The following BRSK2 variants were observed in gnomAD, a reference collection of about 807,000 sequenced individuals.
BRSK2 encodes BR serine/threonine kinase 2.
In BRSK2, 19 loss-of-function variants were observed where a neutral mutation model predicts 83.3. The observed-to-expected ratio is 0.23, with a 90% CI of 0.16 to 0.33. The LOEUF (loss-of-function observed/expected upper bound fraction) is 0.33, where lower values mean the gene tolerates loss of function less well. BRSK2 is among the 10% of genes least tolerant of loss of function. BRSK2 has a pLI of 1.00. For synonymous variants in BRSK2, 519 were observed against 435.4 expected, an observed-to-expected ratio of 1.19 and a Z score of -2.39; for missense variants, 798 against 1,042.3, an observed-to-expected ratio of 0.77 and a Z score of 3.23.
chr11:1,402,833 G>C (rs373587903), intron 1 of BRSK2, among the ~76,000 whole-genome samples: 3 of 152,294 alleles, frequency 2.0e-5, no homozygotes, highest in South Asian at 2.1e-4. Flanking sequence ...AGGCGGGAGC[G>C]GCGCTGAGCT....
chr11:1,410,439 C>A, intron 1 of BRSK2: 1 of 985,218 alleles, frequency 1.0e-6, no homozygotes. Flanking sequence ...TTGCAGAGTC[C>A]GTGTTTGGGG....
At chr11:1,395,761 GCA>G (rs1487922781) in intron 1 of BRSK2, among the ~76,000 whole-genome samples, 1 of 152,200 alleles carries the variant, frequency 6.6e-6, no homozygotes, top group African/African-American at 2.4e-5. Context: ...TGAGGTGCGT[GCA>G]CGCCGTGGAT....
intron 12 of BRSK2, chr11:1,448,001 C>A (rs760537248): frequency 7.4e-5 from 66 of 891,592 alleles, no homozygotes; most frequent in Non-Finnish European, 1.1e-4. Flanking sequence ...AGCCAGCAAG[C>A]CAGGCAAGGG....
chr11:1,457,077 G>A, intron 18 of BRSK2: 1 of 1,533,200 alleles, frequency 6.5e-7, no homozygotes, highest in South Asian at 1.2e-5. Flanking sequence ...TGCTGGGGCG[G>A]GGAGGGGCTG....
chr11:1,441,182 C>T (rs1232820367), intron 4 of BRSK2, among the ~76,000 whole-genome samples: 1 of 95,178 alleles, frequency 1.1e-5, no homozygotes, highest in Admixed American at 1.1e-4. Flanking sequence ...AGTGCACCGT[C>T]CCCCCATAGC....
At position 1,456,631 on chromosome 11, in the gene BRSK2, C is replaced by A. The variant is rs1309522420; in HGVS notation, c.1883C>A (p.Thr628Asn). 6.2e-7 allele frequency: 1 copy of A among 1,611,086 alleles called. No individual in the cohort carries two copies. Among genetic ancestry groups the A allele is most frequent in the Non-Finnish European group, 8.5e-7 (1 of 1,179,368 alleles). The stretch of plus-strand genomic sequence containing the variant: ...CGTCGCTTCAAGAGGGTGGTGGAGA[C>A]CATCCAGGCCCAGCTGCTGAGCACA... Reference protein sequence around the residue: ...PSRRFKRVVETIQAQLLSTHD... With the variant: ...PSRRFKRVVENIQAQLLSTHD... The change falls in exon 18 of 20, where the codon ACC becomes AAC. Residue 628 changes from threonine to asparagine, a missense_variant. Thr to Asn is a moderately conservative substitution (Grantham distance 65). Transcript: ENST00000528841.
At chr11:1,455,877 C>A (rs1846461018) in intron 16 of BRSK2, among the ~76,000 whole-genome samples, 1 of 152,052 alleles carries the variant, frequency 6.6e-6, no homozygotes, top group Non-Finnish European at 1.5e-5. Flanking sequence ...GTGCCCAGCA[C>A]CATAGGTCCC....
At chr11:1,404,913 C>G (rs958829357) in intron 1 of BRSK2, among the ~76,000 whole-genome samples, 1 of 151,596 alleles carries the variant, frequency 6.6e-6, no homozygotes, top group Non-Finnish European at 1.5e-5. Context: ...CGTGGAGTCC[C>G]TCCCCAGCCC....
intron 1 of BRSK2, among the ~76,000 whole-genome samples, chr11:1,433,327 C>A (rs1849839036): frequency 6.6e-6 from 1 of 152,388 alleles, no homozygotes; most frequent in South Asian, 2.1e-4. Context: ...TGCTTCACCC[C>A]TGCACCCTCA....
intron 19 of BRSK2, 66 bp downstream of exon 19, chr11:1,459,305 G>C (rs930334776): frequency 1.3e-6 from 2 of 1,587,732 alleles, no homozygotes; most frequent in Non-Finnish European, 1.7e-6. Context: ...TCAGCCCGCT[G>C]TGGCCGCCAC....
At chr11:1,425,126 G>A (rs1479078429) in intron 1 of BRSK2, among the ~76,000 whole-genome samples, 6 of 152,234 alleles carry the variant, frequency 3.9e-5, no homozygotes, top group Non-Finnish European at 5.9e-5. Flanking sequence ...CGTCTGCATC[G>A]TCCTGCGCTG....
intron 13 of BRSK2, among the ~76,000 whole-genome samples, chr11:1,450,275 C>T (rs994206629): frequency 1.2e-4 from 19 of 152,028 alleles, no homozygotes; most frequent in South Asian, 4.1e-4. Context: ...CTTCGTGGCC[C>T]GCCCCCTGGC....
In BRSK2 at chr11:1,423,222, G is replaced by A. The variant is rs1213162874; in HGVS notation, c.92-12818G>A. 2.6e-5 allele frequency among the ~76,000 whole-genome samples: 4 copies of A among 152,172 alleles called. No individual in the cohort carries two copies. Among genetic ancestry groups the A allele is most frequent in the Non-Finnish European group, 5.9e-5 (4 of 68,032 alleles). ...CATGGTGCCTTGTGGGGTACGTGGTGGAGACGGTGGGGTCGTGGCCGTCCA... is the reference window on the plus strand; with the variant it reads ...CATGGTGCCTTGTGGGGTACGTGGTAGAGACGGTGGGGTCGTGGCCGTCCA... On this transcript the variant is annotated intron_variant, in intron 1 of 19. Transcript: ENST00000528841. This position sits in a 1 kb window ranked among gnomAD's most constrained non-coding sequence, Gnocchi z 6.5.
At chr11:1,459,083 C>T (rs1847045399) in intron 18 of BRSK2, 109 bp from the exon 19 acceptor site, 1 of 1,068,114 alleles carries the variant, frequency 9.4e-7, no homozygotes, top group Non-Finnish European at 1.4e-6. Context: ...TGGGGCCCTA[C>T]CCACTCCTGG....
rs1848876865 is a variant in BRSK2, at chr11:1,423,749, TTCCGGGTGCCCCAGGCCTCCCCCGCTGG to T, written c.92-12290_92-12263del. On this transcript the variant is annotated intron_variant, in intron 1 of 19. Coordinates refer to ENST00000528841, the MANE Select transcript of BRSK2 (RefSeq NM_001256627.2). The surrounding 1 kb of genome is among the most constrained non-coding windows in gnomAD (Gnocchi z 6.5). The stretch of plus-strand genomic sequence containing the variant: ...TGCCCCAGGCCTCCCCCGCTGGGCG[TTCCGGGTGCCCCAGGCCTCCCCCGCTGG>T]GCGTTCCGGGTGCCCCAGGCCTCCC... Among the ~76,000 whole-genome samples, 1 of 137,972 alleles carries T rather than the reference TTCCGGGTGCCCCAGGCCTCCCCCGCTGG, an allele frequency of 7.2e-6. No individual in the cohort carries two copies. Among genetic ancestry groups the T allele is most frequent in the African/African-American group, 2.8e-5 (1 of 36,290 alleles). 90.5% of individuals were successfully genotyped at this position (137,972 alleles called of 152,430 possible). A position where few individuals can be genotyped will look rare whatever the true frequency, so the allele number is the denominator to read the frequency against.
intron 5 of BRSK2, 40 bp from the exon 6 acceptor site, chr11:1,443,066 C>T (rs760007542): frequency 8.5e-5 from 129 of 1,522,512 alleles, no homozygotes; most frequent in African/African-American, 8.4e-4. Context: ...GGCCTGGCAG[C>T]GCCCGGAGCC....
chr11:1,447,731 C>G, intron 12 of BRSK2: 1 of 1,503,180 alleles, frequency 6.7e-7, no homozygotes, highest in South Asian at 1.2e-5. Flanking sequence ...GGCCCGGGCC[C>G]TGGGGGCCGA....
rs200527563 is a variant in BRSK2, at chr11:1,451,428, C to G, written c.1544+9C>G. Reference sequence around the variant, plus strand: ...CCAGAGTCGTCCCCAGAGTAAGTGGCCCCTGCTGGAGGCCTCCTGGTACCT... The same window carrying G: ...CCAGAGTCGTCCCCAGAGTAAGTGGGCCCTGCTGGAGGCCTCCTGGTACCT... On this transcript the variant is annotated intron_variant, in intron 15 of 19. Transcript: ENST00000528841. 3.1e-6 allele frequency: 5 copies of G among 1,612,506 alleles called. No individual in the cohort carries two copies. Among genetic ancestry groups the G allele is most frequent in the Non-Finnish European group, 3.4e-6 (4 of 1,179,778 alleles).
rs763764675 is a variant in BRSK2 at position 1,445,687 on chromosome 11, C to T, written c.1075+19C>T. ...GAGATAGGTATGGGTCCAGGGGTGG[C>T]CTCCAGCCCGGCCTGCACTGCCCCA... On this transcript the variant is annotated intron_variant, in intron 11 of 19. Transcript: ENST00000528841. The T allele has an allele frequency of 3.7e-6, 6 of 1,610,558 alleles. No homozygotes were observed. Among genetic ancestry groups the T allele is most frequent in the Non-Finnish European group, 1.7e-6 (2 of 1,178,880 alleles).
Sources: allele counts gnomAD v4.1 joint callset (sites outside exome capture counted in the v4.1 genomes callset), GRCh38; gene constraint gnomAD v4.1.1; non-coding constraint Gnocchi (gnomAD v3.1); transcripts MANE v1.5; gene names NCBI Gene and HGNC (gene_info 2026-07-23, HGNC 2026-07-21).